KIAA1549: variants seen among roughly 807,000 people sequenced by gnomAD.
KIAA1549 encodes KIAA1549.
A neutral mutation model predicts 156.4 loss-of-function variants in KIAA1549; 70 were observed. The observed-to-expected ratio is 0.45, with a 90% confidence interval of 0.37 to 0.55. The LOEUF (loss-of-function observed/expected upper bound fraction) is 0.55. Among genes scored for constraint, KIAA1549 ranks in the 20% least tolerant of loss-of-function variants. The pLI is 0.00. For missense variants in KIAA1549, 2,428 were observed against 2,540.9 expected (o/e 0.96, Z 0.96); for synonymous variants, 1,103 against 1,066.4 (o/e 1.03, Z -0.67).
chr7:138,861,128 C>G lies in KIAA1549; in HGVS notation c.5247+11G>C, dbSNP rs2130365862. ...TTGCCCATCAGAGAATTCTAGAAGG[C>G]CAGTACTTACACTGCAGGGATTGTT... On this transcript the variant is annotated intron_variant, in intron 16 of 19. Transcript: ENST00000422774. 6.2e-7 allele frequency: 1 copy of G among 1,613,216 alleles called. No homozygotes were observed. The highest frequency in any genetic ancestry group is 1.3e-5 in the African/African-American group (1 of 75,030).
At chr7:138,883,535 T>A (rs952701491) in intron 10 of KIAA1549, among the ~76,000 whole-genome samples, 1 of 152,030 alleles carries the variant, frequency 6.6e-6, no homozygotes, top group African/African-American at 2.4e-5. Flanking sequence ...CAGGCTGGTC[T>A]CAAACTCCTG....
intron 15 of KIAA1549, among the ~76,000 whole-genome samples, chr7:138,862,891 T>C (rs1584712140): frequency 6.6e-6 from 1 of 152,090 alleles, no homozygotes; most frequent in East Asian, 1.9e-4. Flanking sequence ...GATTGCACTC[T>C]TGCACTCCAG....
chr7:138,916,750 G>A lies in KIAA1549; in HGVS notation c.2876C>T (p.Thr959Ile), dbSNP rs768704413. Residue 959 changes from threonine to isoleucine, a missense_variant and splice_region_variant, in exon 2 of 20, where the codon ACT becomes ATT. Physicochemically the swap from Thr to Ile is moderately conservative, Grantham distance 89. Around this residue, in one of 5 missense-constraint regions of KIAA1549, gnomAD observed 762 missense variants for 901.6 expected, o/e 0.85. Coordinates refer to ENST00000422774, the MANE Select transcript of KIAA1549 (RefSeq NM_001164665.2). ...ITVPDAYLIT[T>I]VLARRAVQEY... ...GGCGGCAGGAAGCTGGGCCTTACCA[G>A]TTGTGATCAGATAGGCATCGGGGAC... is the stretch of plus-strand genomic sequence containing the variant. The A allele has an allele frequency of 6.2e-7, 1 of 1,613,774 alleles. No individual in the cohort carries two copies. Among genetic ancestry groups the A allele is most frequent in the South Asian group, 1.1e-5 (1 of 90,998 alleles).
At chr7:138,850,788 A>C (rs1810212632) in intron 17 of KIAA1549, among the ~76,000 whole-genome samples, 1 of 152,148 alleles carries the variant, frequency 6.6e-6, no homozygotes, top group Non-Finnish European at 1.5e-5. Context: ...TCCTATGTCC[A>C]GAATGCTATT....
At chr7:138,954,692 C>T (rs1813610942) in intron 1 of KIAA1549, among the ~76,000 whole-genome samples, 1 of 152,172 alleles carries the variant, frequency 6.6e-6, no homozygotes, top group Non-Finnish European at 1.5e-5. Context: ...ACCCTCCAGG[C>T]TCACGGAAGC....
At chr7:138,975,068 G>A (rs185879187) in intron 1 of KIAA1549, among the ~76,000 whole-genome samples, 12 of 152,260 alleles carry the variant, frequency 7.9e-5, no homozygotes, top group East Asian at 1.9e-4. Flanking sequence ...TCAGAAGGTC[G>A]GGGGTGGGCC....
Position 138,894,928 on chromosome 7 carries a change from G to C in KIAA1549, c.3848-402C>G, listed in dbSNP as rs116200310. 8.7e-3 allele frequency among the ~76,000 whole-genome samples: 1,319 copies of C among 152,256 alleles called. 21 individuals are homozygous for C. The highest frequency in any genetic ancestry group is 0.03 in the African/African-American group (1,265 of 41,546). On this transcript the variant is annotated intron_variant, in intron 9 of 19. Coordinates refer to ENST00000422774, the MANE Select transcript of KIAA1549 (RefSeq NM_001164665.2). ...CAAAAGTGGAGAGAAAAACAGCTGT[G>C]TCTCCAGAACATAATCCTGCCCGCT...
chr7:138,891,193 G>C (rs1222541001), intron 10 of KIAA1549, among the ~76,000 whole-genome samples: 1 of 152,226 alleles, frequency 6.6e-6, no homozygotes, highest in Admixed American at 6.5e-5. Flanking sequence ...TAACTGAGCC[G>C]GATCTGGTGT....
chr7:138,963,464 C>G (rs981846613), intron 1 of KIAA1549, among the ~76,000 whole-genome samples: 1 of 152,154 alleles, frequency 6.6e-6, no homozygotes, highest in African/African-American at 2.4e-5. Flanking sequence ...AGTAGAGGAA[C>G]CTGAAGGCTG....
chr7:138,844,255 TA>T, intron 18 of KIAA1549, 61 bp downstream of exon 18: 1 of 1,593,880 alleles, frequency 6.3e-7, no homozygotes, highest in South Asian at 1.1e-5. Flanking sequence ...ACACCTAAAA[TA>T]AAGTTTCTTT....
chr7:138,852,658 G>A (rs569345986), intron 16 of KIAA1549, among the ~76,000 whole-genome samples: 72 of 152,330 alleles, frequency 4.7e-4, no homozygotes, highest in African/African-American at 1.6e-3. Context: ...CCCACAATTA[G>A]CACAAGTGAC....
At position 138,832,432 on chromosome 7, in the gene KIAA1549, C is replaced by T. The variant is rs1809563962; in HGVS notation, c.*5474G>A. The T allele has an allele frequency of 5.2e-6, 1 of 191,870 alleles. No individual in the cohort carries two copies. The highest frequency in any genetic ancestry group is 1.1e-5 in the Non-Finnish European group (1 of 91,720). The allele number at this position is 191,870 out of a possible 1,614,324, so 11.9% of individuals were successfully genotyped here. A position where few individuals can be genotyped will look rare whatever the true frequency, so the allele number is the denominator to read the frequency against. On this transcript the variant is annotated 3_prime_UTR_variant, in exon 20 of 20. Transcript: ENST00000422774. ...CAAGGTGGTCTCAAACTCCTGGCCT[C>T]AAGCGATCCTCCTGCCTCAGCCTCC...
intron 10 of KIAA1549, among the ~76,000 whole-genome samples, chr7:138,882,653 A>G (rs1811276485): frequency 6.6e-6 from 1 of 152,240 alleles, no homozygotes; most frequent in Non-Finnish European, 1.5e-5. Flanking sequence ...GAAGAGAAAA[A>G]GGAAACAAGG....
Position 138,835,901 on chromosome 7 carries a change from C to A in KIAA1549, c.*2005G>T, listed in dbSNP as rs1388272113. ...CGTCCTTGAGAGACTTACTCTCCTG[C>A]ACTCCTTCTCTTTCAGAGGTGCCCA... is the stretch of plus-strand genomic sequence containing the variant. On this transcript the variant is annotated 3_prime_UTR_variant, in exon 20 of 20. Coordinates refer to ENST00000422774, the MANE Select transcript of KIAA1549 (RefSeq NM_001164665.2). The A allele has an allele frequency of 4.6e-6, 1 of 218,042 alleles. No individual in the cohort carries two copies. The highest frequency in any genetic ancestry group is 9.2e-6 in the Non-Finnish European group (1 of 108,514). The allele number at this position is 218,042 out of a possible 1,614,324, so 13.5% of individuals were successfully genotyped here.
rs74413199 is a variant in KIAA1549, at chr7:138,976,893, A to G, written c.187+4190T>C. Among the ~76,000 whole-genome samples, 588 of 152,378 alleles carry G rather than the reference A, an allele frequency of 3.9e-3. 4 individuals are homozygous for G. Among genetic ancestry groups the G allele is most frequent in the African/African-American group, 0.014 (568 of 41,598 alleles). On this transcript the variant is annotated intron_variant, in intron 1 of 19. Transcript: ENST00000422774. Reference sequence around the variant, plus strand: ...AATTTAGAGGCTAAGGGTGAGTCGTAGACATCTAAATTCTTAACAAGCACC... The same window carrying G: ...AATTTAGAGGCTAAGGGTGAGTCGTGGACATCTAAATTCTTAACAAGCACC...
Position 138,899,079 on chromosome 7 carries a change from G to C in KIAA1549, c.3723C>G (p.Tyr1241Ter). ...EGDDNPVQLI[Y>*]FVEDQDGERL... ...TTTCTCCATCTTGATCCTCCACAAAGTAGATGAGCTGTACCGGATTGTCAT... is the reference window on the plus strand; with the variant it reads ...TTTCTCCATCTTGATCCTCCACAAACTAGATGAGCTGTACCGGATTGTCAT... Residue 1241 changes from tyrosine to a stop codon, truncating the protein, a stop_gained, in exon 9 of 20, where the codon TAC (tyrosine) becomes TAG (stop). Coordinates refer to ENST00000422774, the MANE Select transcript of KIAA1549 (RefSeq NM_001164665.2). LOFTEE classifies it high-confidence loss of function. 6.2e-7 allele frequency: 1 copy of C among 1,613,814 alleles called. No homozygotes were observed. Among genetic ancestry groups the C allele is most frequent in the Non-Finnish European group, 8.5e-7 (1 of 1,179,750 alleles).
At chr7:138,848,704 A>G (rs1269838174) in intron 17 of KIAA1549, among the ~76,000 whole-genome samples, 1 of 152,072 alleles carries the variant, frequency 6.6e-6, no homozygotes, top group East Asian at 1.9e-4. Context: ...TGAACGGAGA[A>G]GTGTTCTTTT....
chr7:138,877,827 T>C (rs1398766125), intron 12 of KIAA1549, among the ~76,000 whole-genome samples: 1 of 152,210 alleles, frequency 6.6e-6, no homozygotes, highest in African/African-American at 2.4e-5. Context: ...CTGTGATGCT[T>C]ACTACCTGGA....
intron 12 of KIAA1549, among the ~76,000 whole-genome samples, chr7:138,873,699 G>A (rs1037501491): frequency 2.6e-5 from 4 of 151,002 alleles, no homozygotes; most frequent in Non-Finnish European, 4.4e-5. Context: ...TCCAGAGCCC[G>A]GCTCACCCCC....
Sources: allele counts gnomAD v4.1 joint callset (sites outside exome capture counted in the v4.1 genomes callset), GRCh38; gene constraint gnomAD v4.1.1; regional missense constraint gnomAD v4.1.1; transcripts MANE v1.5; gene names NCBI Gene and HGNC (gene_info 2026-07-23, HGNC 2026-07-21).